NOVA1: variants seen among roughly 807,000 people sequenced by gnomAD.
The protein encoded by NOVA1 is RNA-binding protein Nova-1.
NOVA1 carries 7 observed loss-of-function variants against 38.0 expected under a neutral mutation model. The observed-to-expected ratio is 0.18, with a 90% CI of 0.10 to 0.35. NOVA1 has a LOEUF of 0.35. Ranked by LOEUF, NOVA1 falls within the 10% of genes least tolerant of loss-of-function variation. The pLI is 1.00. For synonymous variants in NOVA1, 270 were observed against 232.5 expected, an observed-to-expected ratio of 1.16 and a Z score of -1.47; for missense variants, 460 against 616.0, an observed-to-expected ratio of 0.75 and a Z score of 2.68.
At chr14:26,514,510 T>C (rs890925378) in intron 2 of NOVA1, among the ~76,000 whole-genome samples, 1 of 151,840 alleles carries the variant, frequency 6.6e-6, no homozygotes, top group Admixed American at 6.6e-5. Context: ...TTAAACATTT[T>C]AAAATAAGAC....
In NOVA1 at chr14:26,447,918, T is replaced by C. The variant is rs1216708158; in HGVS notation, c.*41A>G. On this transcript the variant is annotated 3_prime_UTR_variant, in exon 5 of 5. Transcript: ENST00000539517. The stretch of plus-strand genomic sequence containing the variant: ...CAGTACATCCTTCTTGAAAATGGGG[T>C]AAAGGAGGGGTTAAAACAATCTGAT... 2.6e-6 allele frequency: 4 copies of C among 1,527,980 alleles called. No homozygotes were observed. Among genetic ancestry groups the C allele is most frequent in the Non-Finnish European group, 3.6e-6 (4 of 1,105,318 alleles). The allele number at this position is 1,527,980 out of a possible 1,614,324, so 94.7% of individuals were successfully genotyped here. A position where few individuals can be genotyped will look rare whatever the true frequency, so the allele number is the denominator to read the frequency against.
At chr14:26,523,918 T>A (rs1349039054) in intron 2 of NOVA1, among the ~76,000 whole-genome samples, 1 of 151,894 alleles carries the variant, frequency 6.6e-6, no homozygotes, top group Non-Finnish European at 1.5e-5. Context: ...GCCCAGCTAA[T>A]TTTTTTGTAT....
intron 4 of NOVA1, among the ~76,000 whole-genome samples, chr14:26,453,199 T>TGTAC (rs1428368890): frequency 4.3e-5 from 3 of 69,954 alleles, no homozygotes; most frequent in African/African-American, 1.2e-4. Flanking sequence ...TATGTATGTA[T>TGTAC]GTATGTATGT....
At chr14:26,478,227 T>A (rs1885146129) in intron 3 of NOVA1, among the ~76,000 whole-genome samples, 2 of 151,996 alleles carry the variant, frequency 1.3e-5, no homozygotes, top group South Asian at 4.1e-4. Flanking sequence ...AATCTCATAC[T>A]GCCATATAGC....
intron 2 of NOVA1, among the ~76,000 whole-genome samples, chr14:26,510,176 G>A (rs956323689): frequency 2.0e-5 from 3 of 152,148 alleles, no homozygotes; most frequent in African/African-American, 7.2e-5. Flanking sequence ...GATTCATTAA[G>A]TCATTATTTA....
intron 2 of NOVA1, among the ~76,000 whole-genome samples, chr14:26,588,858 A>G (rs1893683299): frequency 6.7e-6 from 1 of 149,622 alleles, no homozygotes; most frequent in African/African-American, 2.5e-5. Flanking sequence ...TTTAACAGCT[A>G]TAATTACCAA....
At position 26,522,225 on chromosome 14, in the gene NOVA1, T is replaced by C. The variant is rs570490708; in HGVS notation, c.281-42082A>G. On this transcript the variant is annotated intron_variant, in intron 2 of 4. Coordinates refer to ENST00000539517, the MANE Select transcript of NOVA1 (RefSeq NM_002515.3). ...TATATTGCAGAGTAATCACTGTCAATTGAAGATTAGGCAGAAGCTCAACTG... is the reference window on the plus strand; with the variant it reads ...TATATTGCAGAGTAATCACTGTCAACTGAAGATTAGGCAGAAGCTCAACTG... 4.9e-4 allele frequency among the ~76,000 whole-genome samples: 75 copies of C among 152,224 alleles called. No individual in the cohort carries two copies. The South Asian group carries it at 0.015, about 31-fold the overall frequency.
chr14:26,500,382 C>T (rs1436077793), intron 2 of NOVA1, among the ~76,000 whole-genome samples: 3 of 151,996 alleles, frequency 2.0e-5, no homozygotes, highest in Non-Finnish European at 4.4e-5. Context: ...GTGGGTCACA[C>T]TTAACCAGAG....
chr14:26,461,766 T>TAA (rs67979659), intron 4 of NOVA1, among the ~76,000 whole-genome samples: 3,202 of 125,868 alleles, frequency 0.025, 61 homozygotes, highest in Middle Eastern at 0.066. Flanking sequence ...CCATCTTTAC[T>TAA]AAAAAAAAAA....
intron 2 of NOVA1, among the ~76,000 whole-genome samples, chr14:26,565,306 T>C (rs943858813): frequency 3.3e-5 from 5 of 152,138 alleles, no homozygotes; most frequent in Non-Finnish European, 7.4e-5. Flanking sequence ...TGTGGAATTA[T>C]CCTATGACTT....
chr14:26,490,300 T>C (rs1239287364), intron 2 of NOVA1, among the ~76,000 whole-genome samples: 1 of 152,190 alleles, frequency 6.6e-6, no homozygotes, highest in African/African-American at 2.4e-5. Context: ...CTATTGTGAA[T>C]ACTGCTGCAA....
In NOVA1 at chr14:26,597,507, C is replaced by CTTTTTT. The variant is rs563401938; in HGVS notation, c.-77_-72dup. On this transcript the variant is annotated 5_prime_UTR_variant, in exon 1 of 5. Transcript: ENST00000539517. ...GTTTTGGCTTTTTCTTTTCTTTTTTCTTTTTTTTTTTTTTTTTTTTTTGCG... is the reference window on the plus strand; with the variant it reads ...GTTTTGGCTTTTTCTTTTCTTTTTTCTTTTTTTTTTTTTTTTTTTTTTTTTTTTGCG... The CTTTTTT allele has an allele frequency of 9.6e-5, 75 of 782,708 alleles. No individual in the cohort carries two copies. In the African/African-American group the frequency reaches 1.4e-3, roughly 14 times the overall value. The allele number at this position is 782,708 out of a possible 1,614,324, so 48.5% of individuals were successfully genotyped here. A position where few individuals can be genotyped will look rare whatever the true frequency, so the allele number is the denominator to read the frequency against.
At chr14:26,579,053 C>CTTTTTTTTTTTTTTTTTTTTTTTTT (rs869075814) in intron 2 of NOVA1, among the ~76,000 whole-genome samples, 1 of 80,076 alleles carries the variant, frequency 1.2e-5, no homozygotes, top group Admixed American at 2.0e-4. Flanking sequence ...AGGTGGTATT[C>CTTTTTTTTTTTTTTTTTTTTTTTTT]TTTTTTTTTT....
At chr14:26,498,672 A>C (rs1170459613) in intron 2 of NOVA1, among the ~76,000 whole-genome samples, 4 of 152,162 alleles carry the variant, frequency 2.6e-5, no homozygotes, top group African/African-American at 4.8e-5. Context: ...AACACAACCC[A>C]ATTTGACATT....
chr14:26,477,006 T>G (rs1035822188), intron 3 of NOVA1, among the ~76,000 whole-genome samples: 1 of 148,168 alleles, frequency 6.7e-6, no homozygotes, highest in African/African-American at 2.6e-5. Context: ...TGAGCCACAG[T>G]GCCTGGCCAC....
intron 4 of NOVA1, 168 bp downstream of exon 4, chr14:26,472,141 AAAAATGCATAT>A (rs1884632322): frequency 1.9e-6 from 1 of 520,470 alleles, no homozygotes. Flanking sequence ...ATCTAAAATT[AAAAATGCATAT>A]AAAATTTTAG....
At chr14:26,490,530 C>T (rs887500473) in intron 2 of NOVA1, among the ~76,000 whole-genome samples, 1 of 152,120 alleles carries the variant, frequency 6.6e-6, no homozygotes, top group African/African-American at 2.4e-5. Flanking sequence ...TAATAGCCAT[C>T]CTAATAGGTG....
intron 4 of NOVA1, among the ~76,000 whole-genome samples, chr14:26,452,769 G>A (rs1882812909): frequency 6.6e-6 from 1 of 152,200 alleles, no homozygotes; most frequent in Non-Finnish European, 1.5e-5. Flanking sequence ...GCCCTTCAGA[G>A]TTATGATTAT....
At chr14:26,596,496 G>C in intron 1 of NOVA1, 2 of 1,238,286 alleles carry the variant, frequency 1.6e-6, no homozygotes, top group Admixed American at 2.3e-5. Flanking sequence ...TAATGTGAAT[G>C]AATGTTCCAA....
Sources: allele counts gnomAD v4.1 joint callset (sites outside exome capture counted in the v4.1 genomes callset), GRCh38; gene constraint gnomAD v4.1.1; transcripts MANE v1.5; gene names NCBI Gene and HGNC (gene_info 2026-07-23, HGNC 2026-07-21).